NPAS3: variants seen among roughly 807,000 people sequenced by gnomAD.
The protein encoded by NPAS3 is neuronal PAS domain-containing protein 3.
In NPAS3, 14 loss-of-function variants were observed where a neutral mutation model predicts 73.1. The ratio of observed to expected loss-of-function variants is 0.19; its 90% CI spans 0.13 to 0.30. The LOEUF is 0.30. NPAS3 is among the 10% of genes least tolerant of loss of function. The pLI is 1.00. For missense variants in NPAS3, 1,096 were observed against 1,250.0 expected (o/e 0.88, Z 1.86); for synonymous variants, 620 against 541.5 (o/e 1.14, Z -2.01).
intron 2 of NPAS3, among the ~76,000 whole-genome samples, chr14:33,128,108 G>A (rs2043497143): frequency 6.6e-6 from 1 of 152,090 alleles, no homozygotes; most frequent in Non-Finnish European, 1.5e-5. Flanking sequence ...AAAAATTCTG[G>A]AGTAATTAAA....
chr14:32,996,352 G>A (rs1405375733), intron 1 of NPAS3, among the ~76,000 whole-genome samples: 1 of 152,182 alleles, frequency 6.6e-6, no homozygotes, highest in African/African-American at 2.4e-5. Flanking sequence ...CATTTTCTGA[G>A]GAGAAATTCA....
chr14:33,066,445 T>G (rs1566523392), intron 2 of NPAS3, among the ~76,000 whole-genome samples: 1 of 152,144 alleles, frequency 6.6e-6, no homozygotes, highest in Non-Finnish European at 1.5e-5. Context: ...GAATGTTGTG[T>G]TTTTTATTTT....
At chr14:33,675,749 G>A (rs187273800) in intron 5 of NPAS3, among the ~76,000 whole-genome samples, 2 of 152,232 alleles carry the variant, frequency 1.3e-5, no homozygotes, top group Admixed American at 1.3e-4. Flanking sequence ...ACACATCTTG[G>A]AAATCTGTGT....
chr14:33,412,879 G>A lies in NPAS3; in HGVS notation c.468+45611G>A, dbSNP rs139541709. Among the ~76,000 whole-genome samples, 421 of 152,256 alleles carry A rather than the reference G, an allele frequency of 2.8e-3. 4 individuals carry two copies. The highest frequency in any genetic ancestry group is 9.6e-3 in the African/African-American group (399 of 41,544). ...TTTATTTAAAACCTACTATATGCCCGAATCTGTGCTAGGAACTAGGAATAC... is the reference window on the plus strand; with the variant it reads ...TTTATTTAAAACCTACTATATGCCCAAATCTGTGCTAGGAACTAGGAATAC... On this transcript the variant is annotated intron_variant, in intron 4 of 11. Transcript: ENST00000356141.
chr14:33,275,878 T>C (rs2041305747), intron 3 of NPAS3, among the ~76,000 whole-genome samples: 1 of 152,202 alleles, frequency 6.6e-6, no homozygotes, highest in Non-Finnish European at 1.5e-5. Context: ...CACACAACTA[T>C]ATGTGAGTCC....
chr14:33,069,712 G>GT (rs1225365963), intron 2 of NPAS3, among the ~76,000 whole-genome samples: 45 of 152,280 alleles, frequency 3.0e-4, no homozygotes, highest in Non-Finnish European at 1.5e-5. Flanking sequence ...GCTTCCCCTG[G>GT]AAGTGCATAC....
At chr14:32,990,812 A>G (rs750609812) in intron 1 of NPAS3, among the ~76,000 whole-genome samples, 5 of 151,170 alleles carry the variant, frequency 3.3e-5, no homozygotes, top group African/African-American at 4.9e-5. Context: ...CGGTAGTCCC[A>G]GCTACTTGGG....
chr14:33,705,867 A>C (rs1566447101), intron 6 of NPAS3, among the ~76,000 whole-genome samples: 2 of 152,374 alleles, frequency 1.3e-5, no homozygotes, highest in East Asian at 3.9e-4. Flanking sequence ...GGCGGAAATC[A>C]AATCATCTGT....
intron 5 of NPAS3, among the ~76,000 whole-genome samples, chr14:33,638,596 A>G (rs559749798): frequency 2.7e-4 from 41 of 152,374 alleles, no homozygotes; most frequent in Admixed American, 2.4e-3. Context: ...TAAGTGCTCA[A>G]TAGACATTGG....
At chr14:33,071,491 T>C (rs2041483758) in intron 2 of NPAS3, among the ~76,000 whole-genome samples, 1 of 152,208 alleles carries the variant, frequency 6.6e-6, no homozygotes, top group South Asian at 2.1e-4. Context: ...ATTCAGATAA[T>C]TATGTTCAAT....
chr14:33,521,779 G>T (rs1039140943), intron 4 of NPAS3, among the ~76,000 whole-genome samples: 7 of 152,120 alleles, frequency 4.6e-5, no homozygotes, highest in African/African-American at 1.7e-4. Context: ...GTACACAAAA[G>T]ATGTGCCTTC....
intron 3 of NPAS3, among the ~76,000 whole-genome samples, chr14:33,336,700 G>T (rs2044243634): frequency 1.3e-5 from 2 of 152,066 alleles, no homozygotes; most frequent in Admixed American, 1.3e-4. Flanking sequence ...CTAATCCTGG[G>T]AGTAAAATCC....
chr14:33,144,747 AATTC>A (rs2092545528), intron 2 of NPAS3, among the ~76,000 whole-genome samples: 1 of 152,068 alleles, frequency 6.6e-6, no homozygotes, highest in African/African-American at 2.4e-5. Context: ...GAATTTTAAA[AATTC>A]ATTTTTTAAT....
intron 4 of NPAS3, among the ~76,000 whole-genome samples, chr14:33,380,390 T>A (rs2046495344): frequency 6.6e-6 from 1 of 152,108 alleles, no homozygotes; most frequent in Admixed American, 6.6e-5. Context: ...TACTATCTTC[T>A]GTCATTTCTG....
At chr14:33,328,651 G>A (rs1050984281) in intron 3 of NPAS3, among the ~76,000 whole-genome samples, 1 of 151,194 alleles carries the variant, frequency 6.6e-6, no homozygotes, top group Admixed American at 6.6e-5. Context: ...GAGAGACGGG[G>A]TTTCACTGTG....
intron 5 of NPAS3, among the ~76,000 whole-genome samples, chr14:33,583,934 T>C (rs914937899): frequency 2.0e-5 from 3 of 152,198 alleles, no homozygotes; most frequent in Non-Finnish European, 4.4e-5. Flanking sequence ...ATGGAGTCTG[T>C]AGATAGACTG....
intron 1 of NPAS3, among the ~76,000 whole-genome samples, chr14:33,025,587 T>A (rs1264245972): frequency 6.6e-6 from 1 of 152,198 alleles, no homozygotes; most frequent in Non-Finnish European, 1.5e-5. Flanking sequence ...AAATCTCATG[T>A]TGAATTGTAA....
chr14:33,132,468 T>A (rs1419064755), intron 2 of NPAS3, among the ~76,000 whole-genome samples: 1 of 152,146 alleles, frequency 6.6e-6, no homozygotes, highest in East Asian at 1.9e-4. Flanking sequence ...GAGAAAATAA[T>A]GAGACTACAA....
chr14:33,197,258 TGTGTGTGTG>T (rs2046395517), intron 2 of NPAS3, among the ~76,000 whole-genome samples: 2 of 149,346 alleles, frequency 1.3e-5, no homozygotes, highest in Non-Finnish European at 3.0e-5. Context: ...TGTGTGTGTG[TGTGTGTGTG>T]TTCTTTTTCA....
Sources: gnomAD v4.1 joint callset for allele counts (sites outside exome capture counted in the v4.1 genomes callset) on GRCh38, gnomAD v4.1.1 for gene constraint, MANE v1.5 for transcripts, NCBI Gene and HGNC (gene_info 2026-07-23, HGNC 2026-07-21) for gene names.